The following DTWD2 variants were observed in gnomAD, a reference collection of about 807,000 sequenced individuals.
DTWD2 encodes the protein tRNA-uridine aminocarboxypropyltransferase 2.
Under a neutral mutation model 31.8 loss-of-function variants are expected in DTWD2, and 39 were observed. The ratio of observed to expected loss-of-function variants is 1.22; its 90% CI spans 0.95 to 1.60. The LOEUF (loss-of-function observed/expected upper bound fraction) is 1.60. Among genes scored for constraint, DTWD2 ranks in the 40% most tolerant of loss-of-function variants. The pLI, the probability that DTWD2 is intolerant of heterozygous loss-of-function variation, is 0.00. For missense variants in DTWD2, 515 were observed against 381.5 expected (o/e 1.35, Z -2.92); for synonymous variants, 180 against 142.8 (o/e 1.26, Z -1.86).
intron 1 of DTWD2, among the ~76,000 whole-genome samples, chr5:118,985,755 A>G (rs1332464355): frequency 6.6e-6 from 1 of 152,082 alleles, no homozygotes; most frequent in Non-Finnish European, 1.5e-5. Context: ...TGTTTAAATT[A>G]GCAAGATGAT....
At chr5:118,950,769 T>C (rs564586370) in intron 1 of DTWD2, among the ~76,000 whole-genome samples, 97 of 152,334 alleles carry the variant, frequency 6.4e-4, no homozygotes, top group African/African-American at 2.2e-3. Context: ...GGGGTTTCTC[T>C]CACAGCAGAG....
intron 4 of DTWD2, among the ~76,000 whole-genome samples, chr5:118,922,997 T>C (rs1434921305): frequency 6.6e-6 from 1 of 152,184 alleles, no homozygotes; most frequent in Non-Finnish European, 1.5e-5. Flanking sequence ...AACCAGCACA[T>C]TGCCTGGTAT....
rs1336264979 is a variant in DTWD2 at position 118,939,265 on chromosome 5, G to C, written c.335C>G (p.Pro112Arg). The change falls in exon 3 of 6, where the codon CCT becomes CGT. Residue 112 changes from proline to arginine, a missense_variant. Coordinates refer to ENST00000510708, the MANE Select transcript of DTWD2 (RefSeq NM_173666.4). The part of the protein sequence containing the change: ...AEENKVLRTV[P>R]LLAACLPQDK... The stretch of plus-strand genomic sequence containing the variant: ...CTGGGGGAGGCATGCTGCTAGTAGA[G>C]GAACTGTACGCAACACTTTGTTTTC... The C allele has an allele frequency of 6.3e-7, 1 of 1,596,186 alleles. No individual in the cohort carries two copies. The highest frequency in any genetic ancestry group is 2.3e-5 in the East Asian group (1 of 43,958).
intron 1 of DTWD2, chr5:118,974,050 G>C (rs560932783): frequency 7.5e-6 from 12 of 1,605,774 alleles, no homozygotes; most frequent in Admixed American, 1.7e-5. Flanking sequence ...AGACAGCTAC[G>C]GGCAAGCGGG....
At chr5:118,846,440 T>C (rs1751855149) in intron 5 of DTWD2, among the ~76,000 whole-genome samples, 1 of 152,184 alleles carries the variant, frequency 6.6e-6, no homozygotes, top group Non-Finnish European at 1.5e-5. Context: ...CAGAGAATTC[T>C]TTCCAGAACC....
chr5:118,894,077 A>G (rs1753031722), intron 4 of DTWD2, among the ~76,000 whole-genome samples: 1 of 151,822 alleles, frequency 6.6e-6, no homozygotes, highest in Non-Finnish European at 1.5e-5. Flanking sequence ...ACAGGTTTCA[A>G]AAGTATCTAT....
chr5:118,958,584 CAA>C (rs139781494), intron 1 of DTWD2, among the ~76,000 whole-genome samples: 1,336 of 107,918 alleles, frequency 0.012, 28 homozygotes, highest in Admixed American at 0.047. Flanking sequence ...CACAGAAAGA[CAA>C]AAAAAAAAAA....
intron 2 of DTWD2, among the ~76,000 whole-genome samples, chr5:118,941,313 C>T (rs1754193688): frequency 6.6e-6 from 1 of 152,178 alleles, no homozygotes; most frequent in Non-Finnish European, 1.5e-5. Flanking sequence ...TCTCCTAATG[C>T]TATCCCTCCC....
chr5:118,951,029 T>G (rs1399335010), intron 1 of DTWD2, among the ~76,000 whole-genome samples: 1 of 152,130 alleles, frequency 6.6e-6, no homozygotes, highest in Non-Finnish European at 1.5e-5. Context: ...AGCCACGGAC[T>G]GGGCTGGGTT....
chr5:118,888,423 G>T (rs1752912278), intron 4 of DTWD2, among the ~76,000 whole-genome samples: 2 of 152,156 alleles, frequency 1.3e-5, no homozygotes, highest in Non-Finnish European at 2.9e-5. Context: ...GTGTTATAGT[G>T]TGTATCAATA....
intron 4 of DTWD2, among the ~76,000 whole-genome samples, chr5:118,916,730 AT>A (rs1365533206): frequency 6.6e-6 from 1 of 151,978 alleles, no homozygotes; most frequent in Non-Finnish European, 1.5e-5. Flanking sequence ...AATAGAAATG[AT>A]TTTGCCTTTC....
chr5:118,845,521 T>C (rs1027789177), intron 5 of DTWD2, among the ~76,000 whole-genome samples: 1 of 152,190 alleles, frequency 6.6e-6, no homozygotes, highest in Admixed American at 6.5e-5. Flanking sequence ...CAACTTGAGA[T>C]GTTTTATTAT....
intron 4 of DTWD2, among the ~76,000 whole-genome samples, chr5:118,858,359 C>T (rs1752185852): frequency 6.6e-6 from 1 of 152,056 alleles, no homozygotes; most frequent in African/African-American, 2.4e-5. Flanking sequence ...CTTTCCCCAC[C>T]CAAGTTTCTA....
intron 4 of DTWD2, among the ~76,000 whole-genome samples, chr5:118,851,927 T>A (rs1168629941): frequency 6.6e-6 from 1 of 151,724 alleles, no homozygotes; most frequent in African/African-American, 2.4e-5. Flanking sequence ...GTTTTCCCAA[T>A]CCTAGTAAGC....
At chr5:118,968,766 G>A (rs1010693605) in intron 1 of DTWD2, among the ~76,000 whole-genome samples, 8 of 152,190 alleles carry the variant, frequency 5.3e-5, no homozygotes, top group African/African-American at 1.4e-4. Context: ...CCAGCAAGGC[G>A]GGAAATCCAT....
chr5:118,941,338 T>C (rs895083124), intron 2 of DTWD2, among the ~76,000 whole-genome samples: 12 of 152,138 alleles, frequency 7.9e-5, no homozygotes, highest in Non-Finnish European at 1.8e-4. Flanking sequence ...CCCCTCACCC[T>C]ACAACAGGCC....
At chr5:118,915,456 G>C (rs1206935070) in intron 4 of DTWD2, among the ~76,000 whole-genome samples, 4 of 150,068 alleles carry the variant, frequency 2.7e-5, no homozygotes, top group African/African-American at 9.8e-5. Context: ...CTCACTGCAA[G>C]CTCCACCTCC....
chr5:118,937,466 G>C (rs930535913), intron 3 of DTWD2, among the ~76,000 whole-genome samples: 1 of 151,432 alleles, frequency 6.6e-6, no homozygotes, highest in Non-Finnish European at 1.5e-5. Context: ...TAGGCCTGAC[G>C]TAAGTTATCT....
intron 3 of DTWD2, among the ~76,000 whole-genome samples, chr5:118,937,483 C>A (rs948478865): frequency 6.6e-6 from 1 of 152,076 alleles, no homozygotes; most frequent in African/African-American, 2.4e-5. Context: ...ATCTGTAATC[C>A]AGCCAACCCT....
Sources: gnomAD v4.1 joint callset for allele counts (sites outside exome capture counted in the v4.1 genomes callset) on GRCh38, gnomAD v4.1.1 for gene constraint, MANE v1.5 for transcripts, NCBI Gene and HGNC (gene_info 2026-07-23, HGNC 2026-07-21) for gene names.